RSPH1: variants seen among roughly 807,000 people sequenced by gnomAD.
RSPH1 encodes radial spoke head component 1, also known as radial spoke head 1 homolog.
In RSPH1, 32 loss-of-function variants were observed where a neutral mutation model predicts 44.2. The ratio of observed to expected loss-of-function variants is 0.72; its 90% CI spans 0.55 to 0.97. The LOEUF (loss-of-function observed/expected upper bound fraction) is 0.97, where lower values mean the gene tolerates loss of function less well. Ranked by LOEUF, RSPH1 falls within the 50% of genes least tolerant of loss-of-function variation. The probability of loss-of-function intolerance (pLI) is 0.00; values close to 1 mark genes in which losing one functional copy is unlikely to be tolerated. For missense variants in RSPH1, 391 were observed against 398.7 expected, an observed-to-expected ratio of 0.98 and a Z score of 0.16; for synonymous variants, 134 against 147.3, an observed-to-expected ratio of 0.91 and a Z score of 0.65.
chr21:42,473,431 A>G (rs1392837761), intron 8 of RSPH1, among the ~76,000 whole-genome samples: 2 of 151,248 alleles, frequency 1.3e-5, no homozygotes, highest in Non-Finnish European at 2.9e-5. Context: ...CAGAGGTTTC[A>G]GTGAGCCGAG....
chr21:42,480,483 A>T (rs561429112), intron 6 of RSPH1, among the ~76,000 whole-genome samples: 1 of 152,196 alleles, frequency 6.6e-6, no homozygotes, highest in Non-Finnish European at 1.5e-5. Flanking sequence ...TCTACTAAAA[A>T]TACAAAATTA....
Position 42,482,644 on chromosome 21 carries a change from G to A in RSPH1, c.566C>T (p.Thr189Ile). Reference protein sequence around the residue: ...GCEQHGEYRLTDMERGEEEEE... With the variant: ...GCEQHGEYRLIDMERGEEEEE... ...ACATGCTCCGCAACTTACCATATCT[G>A]TTAAACGATATTCACCATGTTGTTC... Residue 189 changes from threonine to isoleucine, a missense_variant, in exon 6 of 9, where the codon ACA (threonine) becomes ATA (isoleucine). Transcript: ENST00000291536. 6.2e-7 allele frequency: 1 copy of A among 1,610,506 alleles called. No individual in the cohort carries two copies. The highest frequency in any genetic ancestry group is 8.5e-7 in the Non-Finnish European group (1 of 1,177,422).
chr21:42,486,447 C>A lies in RSPH1; in HGVS notation c.289G>T (p.Asp97Tyr). The A allele has an allele frequency of 6.2e-7, 1 of 1,613,762 alleles. No individual in the cohort carries two copies. The highest frequency in any genetic ancestry group is 1.1e-5 in the South Asian group (1 of 91,050). ...TATACGCCATGGCCGTGCCGCAGGTCATTTGCCCACTCTCCTGAAAGGAAC... is the reference window on the plus strand; with the variant it reads ...TATACGCCATGGCCGTGCCGCAGGTAATTTGCCCACTCTCCTGAAAGGAAC... ...GSRYEGEWAN[D>Y]LRHGHGVYYY... The change falls in exon 4 of 9, where the codon GAC (aspartate) becomes TAC (tyrosine). Residue 97 changes from aspartate to tyrosine, a missense_variant. By Grantham distance (160) the Asp-to-Tyr change is radical. Coordinates refer to ENST00000291536, the MANE Select transcript of RSPH1 (RefSeq NM_080860.4).
rs753054522 is a variant in RSPH1, at chr21:42,492,958, G to A, written c.168+8C>T. The A allele has an allele frequency of 9.9e-6, 16 of 1,612,718 alleles. No individual in the cohort carries two copies. In the Middle Eastern group the frequency reaches 8.3e-4, roughly 83 times the overall value. The stretch of plus-strand genomic sequence containing the variant: ...AGAAAACCATCCAGTCAAGTCAACG[G>A]TTCTGACCTGGCCATGTCTTTTACC... On this transcript the variant is annotated splice_region_variant and intron_variant, in intron 2 of 8. Coordinates refer to ENST00000291536, the MANE Select transcript of RSPH1 (RefSeq NM_080860.4).
intron 5 of RSPH1, among the ~76,000 whole-genome samples, chr21:42,483,779 T>C (rs1053114541): frequency 6.6e-6 from 1 of 152,206 alleles, no homozygotes; most frequent in Non-Finnish European, 1.5e-5. Context: ...CTATATTTCC[T>C]AGGGTACATT....
intron 8 of RSPH1, 130 bp from the exon 9 acceptor site, chr21:42,473,000 G>C (rs2054008585): frequency 3.1e-6 from 2 of 639,678 alleles, no homozygotes; most frequent in Non-Finnish European, 5.3e-6. Context: ...GTCAAAAATT[G>C]AATGTTAAAT....
rs2054248761 is a variant in RSPH1, at chr21:42,492,785, T to G, written c.247A>C (p.Ile83Leu). 1 of 1,610,454 alleles carries G rather than the reference T, an allele frequency of 6.2e-7. No individual in the cohort carries two copies. Among genetic ancestry groups the G allele is most frequent in the Non-Finnish European group, 8.5e-7 (1 of 1,176,794 alleles). ...RNKKHGQGTF[I>L]YPDGSRYEGE... ...TCATATCTGGATCCATCTGGATATATAAAAGTGCCTTGACCGTGCTTTTTA... is the reference window on the plus strand; with the variant it reads ...TCATATCTGGATCCATCTGGATATAGAAAAGTGCCTTGACCGTGCTTTTTA... Residue 83 changes from isoleucine (I) to leucine (L), a missense_variant, in exon 3 of 9, where the codon ATA becomes CTA. Physicochemically the swap from Ile to Leu is conservative, Grantham distance 5. Transcript: ENST00000291536.
chr21:42,480,232 A>G (rs2054112113), intron 6 of RSPH1, among the ~76,000 whole-genome samples: 1 of 152,250 alleles, frequency 6.6e-6, no homozygotes, highest in Admixed American at 6.5e-5. Context: ...CTTGGGAAGC[A>G]GCAACGGAGC....
chr21:42,486,847 C>T (rs115643892), intron 3 of RSPH1, among the ~76,000 whole-genome samples: 1,529 of 152,316 alleles, frequency 0.01, 20 homozygotes, highest in African/African-American at 0.035. Flanking sequence ...AGAGGCACCA[C>T]GAAGATGCAA....
At chr21:42,478,954 TC>T (rs1317428927) in intron 6 of RSPH1, among the ~76,000 whole-genome samples, 1 of 152,154 alleles carries the variant, frequency 6.6e-6, no homozygotes, top group East Asian at 1.9e-4. Flanking sequence ...TTAAAAGCTA[TC>T]AGGGGCTGGG....
At chr21:42,477,498 G>C in intron 6 of RSPH1, 54 bp from the exon 7 acceptor site, 3 of 1,586,716 alleles carry the variant, frequency 1.9e-6, no homozygotes, top group Non-Finnish European at 2.6e-6. Flanking sequence ...TCTTGGTCTG[G>C]AATATTAAAA....
chr21:42,481,038 T>C (rs1280825551), intron 6 of RSPH1, among the ~76,000 whole-genome samples: 1 of 152,072 alleles, frequency 6.6e-6, no homozygotes, highest in Admixed American at 6.5e-5. Context: ...TGGGTGTTTG[T>C]CCCCTTCAAA....
rs1290424077 is a variant in RSPH1 at position 42,482,717 on chromosome 21, A to C, written c.502-9T>G. 2.5e-6 allele frequency: 4 copies of C among 1,608,096 alleles called. No individual in the cohort carries two copies. The South Asian group carries it at 4.4e-5, about 18-fold the overall frequency. On this transcript the variant is annotated splice_polypyrimidine_tract_variant and intron_variant, in intron 5 of 8. Transcript: ENST00000291536. The stretch of plus-strand genomic sequence containing the variant: ...TTTCCAGGGCCAACAGGCTACGAGC[A>C]AAGAGAAACCATTCTTAAGTGTCAA...
intron 1 of RSPH1, 48 bp downstream of exon 1, chr21:42,496,085 C>T: frequency 1.2e-6 from 2 of 1,610,600 alleles, no homozygotes; most frequent in Non-Finnish European, 1.7e-6. Flanking sequence ...TCGAGGTTCC[C>T]CCGCCGCTGC....
At chr21:42,496,070 C>T in intron 1 of RSPH1, 63 bp downstream of exon 1, 1 of 1,596,672 alleles carries the variant, frequency 6.3e-7, no homozygotes. Context: ...TCTCCAAACC[C>T]AACCTCGAGG....
rs922542049 is a variant in RSPH1, at chr21:42,490,030, T to C, written c.274+2728A>G. Among the ~76,000 whole-genome samples the C allele has an allele frequency of 3.3e-5, 5 of 152,258 alleles. No homozygotes were observed. The South Asian group carries it at 6.2e-4, about 19-fold the overall frequency. On this transcript the variant is annotated intron_variant, in intron 3 of 8. Transcript: ENST00000291536. Reference sequence around the variant, plus strand: ...GAATAGGGATGCTCTTTCTCCCCCTTAACCTCAGAGTCCTCAGTTGGCCCT... The same window carrying C: ...GAATAGGGATGCTCTTTCTCCCCCTCAACCTCAGAGTCCTCAGTTGGCCCT...
intron 3 of RSPH1, among the ~76,000 whole-genome samples, chr21:42,491,013 C>T (rs1267636274): frequency 6.6e-6 from 1 of 152,210 alleles, no homozygotes; most frequent in Non-Finnish European, 1.5e-5. Context: ...GCTTGGGAAC[C>T]TTCCAGGCCT....
chr21:42,482,788 C>A, intron 5 of RSPH1, 80 bp from the exon 6 acceptor site: 1 of 932,032 alleles, frequency 1.1e-6, no homozygotes, highest in East Asian at 2.5e-5. Flanking sequence ...CCACAATACC[C>A]ACCTCAAATC....
chr21:42,481,219 AC>A (rs2054124744), intron 6 of RSPH1, among the ~76,000 whole-genome samples: 2 of 152,004 alleles, frequency 1.3e-5, no homozygotes, highest in Admixed American at 1.3e-4. Flanking sequence ...ATATATATAT[AC>A]CTGGCACCTC....
Sources: gnomAD v4.1 joint callset for allele counts (sites outside exome capture counted in the v4.1 genomes callset) on GRCh38, gnomAD v4.1.1 for gene constraint, MANE v1.5 for transcripts, NCBI Gene and HGNC (gene_info 2026-07-23, HGNC 2026-07-21) for gene names.